The following PRR7 variants were observed in gnomAD, a reference collection of about 807,000 sequenced individuals.
PRR7 encodes proline rich 7, synaptic.
Under a neutral mutation model 18.5 loss-of-function variants are expected in PRR7, and 8 were observed. That is an observed-to-expected ratio of 0.43 (90% CI 0.25 to 0.78). The LOEUF (loss-of-function observed/expected upper bound fraction) is 0.78. Among genes scored for constraint, PRR7 ranks in the 30% least tolerant of loss-of-function variants. The pLI is 0.22. For synonymous variants in PRR7, 221 were observed against 187.7 expected (o/e 1.18, Z -1.45); for missense variants, 396 against 403.1 (o/e 0.98, Z 0.15).
rs999980146 is a variant in PRR7, at chr5:177,456,208, G to T, written c.*87G>T. 3.2e-5 allele frequency: 19 copies of T among 600,010 alleles called. No homozygotes were observed. The African/African-American group carries it at 3.4e-4, about 11-fold the overall frequency. 37.2% of individuals were successfully genotyped at this position (600,010 alleles called of 1,614,324 possible). ...AATGCTTCCCTGGACTGCGGGGAGG[G>T]GCGGGGGGAGGGAGGGATTTCTTAT... On this transcript the variant is annotated 3_prime_UTR_variant, in exon 4 of 4. Coordinates refer to ENST00000323249, the MANE Select transcript of PRR7 (RefSeq NM_030567.5).
At chr5:177,453,126 C>A (rs1016875707) in intron 1 of PRR7, among the ~76,000 whole-genome samples, 13 of 152,212 alleles carry the variant, frequency 8.5e-5, no homozygotes, top group Admixed American at 2.0e-4. Flanking sequence ...ATGGGCACAA[C>A]CACCACAGAC....
rs759414879 is a variant in PRR7, at chr5:177,455,528, G to A, written c.427+34G>A. ...CGACCTCCGCCAGGGGGCGATCCGG[G>A]CCGCCGGAAGTGGGCGGGCGTTGGA... On this transcript the variant is annotated intron_variant, in intron 3 of 3. Coordinates refer to ENST00000323249, the MANE Select transcript of PRR7 (RefSeq NM_030567.5). The surrounding 1 kb of genome is among the most constrained non-coding windows in gnomAD (Gnocchi z 6.9). 9.0e-6 allele frequency: 13 copies of A among 1,448,192 alleles called. No homozygotes were observed. Among genetic ancestry groups the A allele is most frequent in the Admixed American group, 2.8e-5 (1 of 35,186 alleles). 89.7% of individuals were successfully genotyped at this position (1,448,192 alleles called of 1,614,324 possible). A position where few individuals can be genotyped will look rare whatever the true frequency, so the allele number is the denominator to read the frequency against.
intron 1 of PRR7, among the ~76,000 whole-genome samples, chr5:177,452,983 C>T (rs2127387974): frequency 6.6e-6 from 1 of 152,314 alleles, no homozygotes; most frequent in Admixed American, 6.5e-5. Flanking sequence ...TGCCCAGTGC[C>T]CCCATGGCTG....
chr5:177,446,222 ATC>A (rs1057375349), upstream of PRR7: 8 of 152,194 alleles, frequency 5.3e-5, no homozygotes, highest in African/African-American at 1.9e-4. This position sits in a 1 kb window ranked among gnomAD's most constrained non-coding sequence, Gnocchi z 5.3. Context: ...TCTAGGGGTC[ATC>A]TGTTCCCTGC....
At position 177,449,680 on chromosome 5, in the gene PRR7, C is replaced by G. The variant is rs894086937; in HGVS notation, c.-325+2720C>G. ...TGCCCTGAGGAGGGCCGGAGCTGAG[C>G]GCAGTAGACACTGGCCTGAGGGAGG... On this transcript the variant is annotated intron_variant, in intron 1 of 3. Transcript: ENST00000323249. This position sits in a 1 kb window ranked among gnomAD's most constrained non-coding sequence, Gnocchi z 4.2. Among the ~76,000 whole-genome samples the G allele has an allele frequency of 5.3e-5, 8 of 152,120 alleles. No homozygotes were observed. The highest frequency in any genetic ancestry group is 1.9e-4 in the African/African-American group (8 of 41,416).
rs1446648071 is a variant in PRR7 at position 177,456,136 on chromosome 5, C to T, written c.*15C>T. On this transcript the variant is annotated 3_prime_UTR_variant, in exon 4 of 4. Coordinates refer to ENST00000323249, the MANE Select transcript of PRR7 (RefSeq NM_030567.5). Reference sequence around the variant, plus strand: ...CAGCCGTATAGAGGGGCGCCCGGCGCCCCGGGCCCCACCGGCGGACTCCTG... The same window carrying T: ...CAGCCGTATAGAGGGGCGCCCGGCGTCCCGGGCCCCACCGGCGGACTCCTG... The T allele has an allele frequency of 1.4e-6, 2 of 1,420,590 alleles. No homozygotes were observed. The highest frequency in any genetic ancestry group is 1.8e-6 in the Non-Finnish European group (2 of 1,094,512). The allele number at this position is 1,420,590 out of a possible 1,614,324, so 88.0% of individuals were successfully genotyped here.
In PRR7 at chr5:177,455,416, C is replaced by G. The variant is rs995930066; in HGVS notation, c.349C>G (p.Pro117Ala). ...GCCGCACGCGCACGCGCACCCACAC[C>G]CGCACCACCACGCGCTCCCGCACCC... ...AQPHAHAHPHPHHHALPHPPP... is the reference protein window; with the variant it reads ...AQPHAHAHPHAHHHALPHPPP... The change falls in exon 3 of 4, where the codon CCG (proline) becomes GCG (alanine). Residue 117 changes from proline to alanine, a missense_variant. Around this residue, in one of 2 missense-constraint regions of PRR7, gnomAD observed 383 missense variants for 372.6 expected, o/e 1.03. Coordinates refer to ENST00000323249, the MANE Select transcript of PRR7 (RefSeq NM_030567.5). This position sits in a 1 kb window ranked among gnomAD's most constrained non-coding sequence, Gnocchi z 6.9. The G allele has an allele frequency of 3.3e-6, 5 of 1,504,314 alleles. No homozygotes were observed. The highest frequency in any genetic ancestry group is 4.4e-6 in the Non-Finnish European group (5 of 1,133,830). The allele number at this position is 1,504,314 out of a possible 1,614,324, so 93.2% of individuals were successfully genotyped here.
In PRR7 at chr5:177,455,964, C is replaced by G. The variant is rs1437999912; in HGVS notation, c.668C>G (p.Ala223Gly). The G allele has an allele frequency of 6.3e-7, 1 of 1,591,418 alleles. No individual in the cohort carries two copies. Among genetic ancestry groups the G allele is most frequent in the Non-Finnish European group, 8.5e-7 (1 of 1,172,928 alleles). The change falls in exon 4 of 4, where the codon GCG becomes GGG. Residue 223 changes from alanine (A) to glycine (G), a missense_variant. This residue lies in a region of PRR7 where 383 missense variants were observed against 372.6 expected (regional missense o/e 1.03). Transcript: ENST00000323249. This position sits in a 1 kb window ranked among gnomAD's most constrained non-coding sequence, Gnocchi z 6.9. ...CACCTGCCCAGCGCCCCTCGGCCCG[C>G]GCCGCCCTGCCCAGCCCTCTGCCTG... The part of the protein sequence containing the change: ...ALHLPSAPRP[A>G]PPCPALCLQA...
Position 177,456,144 on chromosome 5 carries a change from C to A in PRR7, c.*23C>A. The A allele has an allele frequency of 7.0e-7, 1 of 1,421,482 alleles. No individual in the cohort carries two copies. 88.1% of individuals were successfully genotyped at this position (1,421,482 alleles called of 1,614,324 possible). On this transcript the variant is annotated 3_prime_UTR_variant, in exon 4 of 4. Transcript: ENST00000323249. ...TAGAGGGGCGCCCGGCGCCCCGGGC[C>A]CCACCGGCGGACTCCTGGCCTGACT...
chr5:177,455,494 G>A lies in PRR7; in HGVS notation c.427G>A (p.Ala143Thr). 1 of 1,492,018 alleles carries A rather than the reference G, an allele frequency of 6.7e-7. No homozygotes were observed. Among genetic ancestry groups the A allele is most frequent in the Non-Finnish European group, 8.8e-7 (1 of 1,132,362 alleles). 92.4% of individuals were successfully genotyped at this position (1,492,018 alleles called of 1,614,324 possible). ...PPRPWSYPRQ[A>T]ESDMSKPPCY... ...ACGGCCCTGGAGCTACCCGCGCCAA[G>A]GTGAGTACCGACCTCCGCCAGGGGG... Residue 143 changes from alanine (A) to threonine (T), a missense_variant and splice_region_variant, in exon 3 of 4, where the codon GCG (alanine) becomes ACG (threonine). Ala to Thr is a moderately conservative substitution (Grantham distance 58, BLOSUM62 0). This residue lies in a region of PRR7 where 383 missense variants were observed against 372.6 expected (regional missense o/e 1.03). Coordinates refer to ENST00000323249, the MANE Select transcript of PRR7 (RefSeq NM_030567.5). This position sits in a 1 kb window ranked among gnomAD's most constrained non-coding sequence, Gnocchi z 6.9.
intron 1 of PRR7, among the ~76,000 whole-genome samples, chr5:177,453,406 C>T (rs867980071): frequency 3.9e-5 from 6 of 152,258 alleles, no homozygotes; most frequent in Middle Eastern, 6.8e-3. Context: ...GCAGGGTTGT[C>T]GAGGGGGCGG....
Position 177,454,843 on chromosome 5 carries a change from C to T in PRR7, c.-225C>T, listed in dbSNP as rs1332337559. On this transcript the variant is annotated 5_prime_UTR_variant, in exon 3 of 4. Transcript: ENST00000323249. The surrounding 1 kb of genome is among the most constrained non-coding windows in gnomAD (Gnocchi z 4.7). ...CTGCCCTACAGGTCCCGCGCGGCCC[C>T]GGGTGAGGCACGCCCGCGCGCCCGC... The T allele has an allele frequency of 2.6e-6, 1 of 384,696 alleles. No individual in the cohort carries two copies. Among genetic ancestry groups the T allele is most frequent in the Non-Finnish European group, 4.2e-6 (1 of 240,254 alleles). 23.8% of individuals were successfully genotyped at this position (384,696 alleles called of 1,614,324 possible).
chr5:177,454,291 G>A lies in PRR7; in HGVS notation c.-240+251G>A, dbSNP rs1230296573. ...CACGCATTACCAGTCGGAGCCACCCGCCTGAGCCCCCCTACGGGAGCGGCG... is the reference window on the plus strand; with the variant it reads ...CACGCATTACCAGTCGGAGCCACCCACCTGAGCCCCCCTACGGGAGCGGCG... On this transcript the variant is annotated intron_variant, in intron 2 of 3. Coordinates refer to ENST00000323249, the MANE Select transcript of PRR7 (RefSeq NM_030567.5). The surrounding 1 kb of genome is among the most constrained non-coding windows in gnomAD (Gnocchi z 4.7). Among the ~76,000 whole-genome samples, 1 of 152,206 alleles carries A rather than the reference G, an allele frequency of 6.6e-6. No individual in the cohort carries two copies. Among genetic ancestry groups the A allele is most frequent in the Non-Finnish European group, 1.5e-5 (1 of 68,034 alleles).
Position 177,449,068 on chromosome 5 carries a change from A to C in PRR7, c.-325+2108A>C, listed in dbSNP as rs138608433. On this transcript the variant is annotated intron_variant, in intron 1 of 3. Transcript: ENST00000323249. This position sits in a 1 kb window ranked among gnomAD's most constrained non-coding sequence, Gnocchi z 4.2. ...GGACTTGGTATGACCTGACTGTCCA[A>C]TTTTCAAGATGAACCAGAAATCCAG... Among the ~76,000 whole-genome samples, 1 of 152,346 alleles carries C rather than the reference A, an allele frequency of 6.6e-6. No individual in the cohort carries two copies. The highest frequency in any genetic ancestry group is 2.4e-5 in the African/African-American group (1 of 41,576).
chr5:177,452,841 A>G (rs1756223925), intron 1 of PRR7, among the ~76,000 whole-genome samples: 1 of 152,216 alleles, frequency 6.6e-6, no homozygotes, highest in South Asian at 2.1e-4. Context: ...TGGCGCTGCC[A>G]TTACATCTCC....
intron 1 of PRR7, among the ~76,000 whole-genome samples, chr5:177,452,215 C>T (rs900687320): frequency 1.3e-5 from 2 of 152,214 alleles, no homozygotes; most frequent in Non-Finnish European, 2.9e-5. Flanking sequence ...GGCATCGCTC[C>T]GAGCACCTGA....
rs753988515 is a variant in PRR7, at chr5:177,455,208, C to A, written c.141C>A (p.Arg47=). The change falls in exon 3 of 4, where the codon CGC becomes CGA. Residue 47 remains arginine, a synonymous_variant. Transcript: ENST00000323249. The surrounding 1 kb of genome is among the most constrained non-coding windows in gnomAD (Gnocchi z 6.9). ...RLKRRQEERL[R]EQNLRALELE... is the part of the protein sequence containing the mutation. Reference sequence around the variant, plus strand: ...AACGGCGCCAGGAGGAGCGACTGCGCGAGCAGAACCTGCGCGCCCTAGAGC... The same window carrying A: ...AACGGCGCCAGGAGGAGCGACTGCGAGAGCAGAACCTGCGCGCCCTAGAGC... 25 of 1,570,866 alleles carry A rather than the reference C, an allele frequency of 1.6e-5. No homozygotes were observed. The highest frequency in any genetic ancestry group is 3.4e-6 in the Non-Finnish European group (4 of 1,165,730).
Position 177,454,302 on chromosome 5 carries a change from C to G in PRR7, c.-240+262C>G, listed in dbSNP as rs1023220326. On this transcript the variant is annotated intron_variant, in intron 2 of 3. Transcript: ENST00000323249. This position sits in a 1 kb window ranked among gnomAD's most constrained non-coding sequence, Gnocchi z 4.7. ...AGTCGGAGCCACCCGCCTGAGCCCC[C>G]CTACGGGAGCGGCGGGAGACCCGGA... Among the ~76,000 whole-genome samples the G allele has an allele frequency of 7.4e-4, 113 of 152,334 alleles. No homozygotes were observed. The highest frequency in any genetic ancestry group is 2.6e-3 in the African/African-American group (110 of 41,584).
chr5:177,455,648 C>T lies in PRR7; in HGVS notation c.428-76C>T, dbSNP rs337424. ...GTTCGGGCTAGGGCTGGGGCGCGGG[C>T]GGCCCCTGGCCGGGGCCTCTGCGAG... On this transcript the variant is annotated intron_variant, in intron 3 of 3. Transcript: ENST00000323249. This position sits in a 1 kb window ranked among gnomAD's most constrained non-coding sequence, Gnocchi z 6.9. 5 of 1,421,120 alleles carry T rather than the reference C, an allele frequency of 3.5e-6. No individual in the cohort carries two copies. Among genetic ancestry groups the T allele is most frequent in the Admixed American group, 5.5e-5 (2 of 36,092 alleles). The allele number at this position is 1,421,120 out of a possible 1,614,324, so 88.0% of individuals were successfully genotyped here. A position where few individuals can be genotyped will look rare whatever the true frequency, so the allele number is the denominator to read the frequency against.
Sources: gnomAD v4.1 joint callset for allele counts (sites outside exome capture counted in the v4.1 genomes callset) on GRCh38, gnomAD v4.1.1 for gene constraint, gnomAD v4.1.1 regional missense constraint, Gnocchi (gnomAD v3.1) non-coding constraint, MANE v1.5 for transcripts, NCBI Gene and HGNC (gene_info 2026-07-23, HGNC 2026-07-21) for gene names.